ANK2: variants seen among roughly 807,000 people sequenced by gnomAD.
ANK2 encodes ankyrin 2, also known as ankyrin-2.
A neutral mutation model predicts 360.5 loss-of-function variants in ANK2; 83 were observed. The ratio of observed to expected loss-of-function variants is 0.23; its 90% CI spans 0.19 to 0.28. The LOEUF (loss-of-function observed/expected upper bound fraction) is 0.28. Ranked by LOEUF, ANK2 falls within the 10% of genes least tolerant of loss-of-function variation. ANK2 has a pLI of 1.00. For missense variants in ANK2, 4,201 were observed against 4,795.7 expected (o/e 0.88, Z 3.66); for synonymous variants, 1,740 against 1,759.5 (o/e 0.99, Z 0.28).
At chr4:112,833,652 C>T (rs535566848) in intron 1 of ANK2, among the ~76,000 whole-genome samples, 5 of 152,170 alleles carry the variant, frequency 3.3e-5, no homozygotes, top group Admixed American at 2.0e-4. Flanking sequence ...CACAGGCGCC[C>T]GACACCACGC....
chr4:113,241,103 A>G (rs1367208407), intron 8 of ANK2, among the ~76,000 whole-genome samples: 2 of 152,234 alleles, frequency 1.3e-5, no homozygotes, highest in African/African-American at 4.8e-5. Flanking sequence ...ATAATGGTAT[A>G]TATCAGTATA....
At chr4:112,738,231 G>A in the ANK2 span, among the ~76,000 whole-genome samples, 1 of 152,178 alleles carries the variant, frequency 6.6e-6, no homozygotes, top group South Asian at 2.1e-4. Context: ...CCAACATGGC[G>A]AAGCCCCGTC....
chr4:112,902,410 G>A (rs145932990), intron 1 of ANK2, among the ~76,000 whole-genome samples: 49 of 152,292 alleles, frequency 3.2e-4, no homozygotes, highest in South Asian at 1.0e-3. Flanking sequence ...TCCTGTTGGC[G>A]CATTCACTAA....
chr4:112,902,077 A>C (rs969061724), intron 1 of ANK2, among the ~76,000 whole-genome samples: 2 of 152,138 alleles, frequency 1.3e-5, no homozygotes, highest in African/African-American at 4.8e-5. Context: ...GAGCACTTAA[A>C]TTGCTCTTGA....
chr4:112,820,450 C>T (rs2056677304), intron 1 of ANK2, among the ~76,000 whole-genome samples: 1 of 152,170 alleles, frequency 6.6e-6, no homozygotes, highest in Non-Finnish European at 1.5e-5. Flanking sequence ...ATCATGCAAC[C>T]TAAGGAGAGA....
At chr4:113,120,797 C>A (rs1233539223) in intron 1 of ANK2, among the ~76,000 whole-genome samples, 2 of 151,974 alleles carry the variant, frequency 1.3e-5, no homozygotes, top group Admixed American at 1.3e-4. Flanking sequence ...TGTGTTGTTC[C>A]CCTCAATGTG....
At chr4:113,047,130 G>T (rs1233257309), upstream of ANK2, among the ~76,000 whole-genome samples, 2 of 152,280 alleles carry the variant, frequency 1.3e-5, no homozygotes, top group East Asian at 3.9e-4. Flanking sequence ...TTTTTGCCAA[G>T]AAGTTCCCAT....
Position 113,317,563 on chromosome 4 carries a change from G to A in ANK2, c.2694-144G>A, listed in dbSNP as rs2083555187. On this transcript the variant is annotated intron_variant, in intron 24 of 45. Transcript: ENST00000357077. ...GTTCAGCTGTTGGACAAAAAGGTAGGACAACAGAGACTTGTGTCCCCCTGG... is the reference window on the plus strand; with the variant it reads ...GTTCAGCTGTTGGACAAAAAGGTAGAACAACAGAGACTTGTGTCCCCCTGG... 21 of 704,192 alleles carry A rather than the reference G, an allele frequency of 3.0e-5. No homozygotes were observed. The South Asian group carries it at 3.2e-4, about 11-fold the overall frequency. 43.6% of individuals were successfully genotyped at this position (704,192 alleles called of 1,614,324 possible). A position where few individuals can be genotyped will look rare whatever the true frequency, so the allele number is the denominator to read the frequency against.
intron 1 of ANK2, among the ~76,000 whole-genome samples, chr4:113,158,713 C>T (rs1014095553): frequency 1.3e-5 from 2 of 152,106 alleles, no homozygotes; most frequent in South Asian, 2.1e-4. Context: ...CACAGTCTTG[C>T]CCTTTAATTA....
chr4:113,364,156 C>A (rs919751016), intron 40 of ANK2, among the ~76,000 whole-genome samples: 2 of 152,094 alleles, frequency 1.3e-5, no homozygotes, highest in Admixed American at 6.6e-5. Context: ...CCACTATGAC[C>A]GCCATCACGC....
At chr4:113,294,287 C>A (rs1396240780) in intron 22 of ANK2, among the ~76,000 whole-genome samples, 2 of 152,058 alleles carry the variant, frequency 1.3e-5, no homozygotes, top group Non-Finnish European at 2.9e-5. Flanking sequence ...GGGCTCCTAC[C>A]TGAAAGTGGA....
chr4:112,788,177 T>A, the ANK2 span: 8 of 1,584,830 alleles, frequency 5.0e-6, no homozygotes, highest in Non-Finnish European at 6.8e-6. Flanking sequence ...GCCACCCCAG[T>A]GACGGCAGAT....
chr4:113,290,430 T>C (rs189348120), intron 20 of ANK2, among the ~76,000 whole-genome samples: 106 of 152,292 alleles, frequency 7.0e-4, no homozygotes, highest in African/African-American at 2.5e-3. Context: ...ACTCTCATGA[T>C]GTGGTATAAA....
intron 1 of ANK2, among the ~76,000 whole-genome samples, chr4:112,822,417 CAA>C (rs1159310102): frequency 7.4e-5 from 7 of 94,636 alleles, no homozygotes; most frequent in Admixed American, 1.2e-4. Context: ...GATTCCGTCT[CAA>C]AAAAAAAAAA....
At chr4:112,783,442 T>C in the ANK2 span, among the ~76,000 whole-genome samples, 152,247 of 152,286 alleles carry the variant, frequency 1, 76,104 homozygotes, top group Middle Eastern at 1. Flanking sequence ...CCTCCATTAA[T>C]TCTCCAGGTA....
chr4:113,145,872 G>A, intron 1 of ANK2: 2 of 1,289,730 alleles, frequency 1.6e-6, no homozygotes, highest in Non-Finnish European at 2.0e-6. Flanking sequence ...AGCTGAGATG[G>A]GGAATGCAGC....
At chr4:112,779,534 A>G in the ANK2 span, among the ~76,000 whole-genome samples, 2 of 152,112 alleles carry the variant, frequency 1.3e-5, no homozygotes, top group Non-Finnish European at 2.9e-5. Flanking sequence ...AAAGAAAAAA[A>G]AAGGCCATTT....
intron 1 of ANK2, among the ~76,000 whole-genome samples, chr4:112,892,018 C>A (rs1303662866): frequency 6.6e-6 from 1 of 150,814 alleles, no homozygotes; most frequent in Non-Finnish European, 1.5e-5. Flanking sequence ...TCAAAAAAGA[C>A]ATAAAAGTAT....
Position 113,351,545 on chromosome 4 carries a change from T to C in ANK2, c.4426+1296T>C, listed in dbSNP as rs531866697. 3.8e-4 allele frequency among the ~76,000 whole-genome samples: 58 copies of C among 152,250 alleles called. 1 individual carries two copies. The South Asian group carries it at 0.011, about 29-fold the overall frequency. On this transcript the variant is annotated intron_variant, in intron 37 of 45. Transcript: ENST00000357077. ...ATTCTCCCAAGAGAAGGCACTTTTG[T>C]TTATATGACATATCACATTGCCCTC...
Sources: allele counts gnomAD v4.1 joint callset (sites outside exome capture counted in the v4.1 genomes callset), GRCh38; gene constraint gnomAD v4.1.1; transcripts MANE v1.5; gene names NCBI Gene and HGNC (gene_info 2026-07-23, HGNC 2026-07-21).